STARD13: variants seen among roughly 807,000 people sequenced by gnomAD.
The protein encoded by STARD13 is StAR related lipid transfer domain containing 13.
In STARD13, 62 loss-of-function variants were observed where a neutral mutation model predicts 106.4. The observed-to-expected ratio is 0.58, with a 90% CI of 0.48 to 0.72. The LOEUF (loss-of-function observed/expected upper bound fraction) is 0.72. STARD13 is among the 30% of genes least tolerant of loss of function. The probability of loss-of-function intolerance (pLI) is 0.00; values close to 1 mark genes in which losing one functional copy is unlikely to be tolerated. For synonymous variants in STARD13, 565 were observed against 553.0 expected, an observed-to-expected ratio of 1.02 and a Z score of -0.31; for missense variants, 1,387 against 1,424.0, an observed-to-expected ratio of 0.97 and a Z score of 0.42.
rs775791741 is a variant in STARD13, at chr13:33,104,349, C to T, written c.*1244G>A. The T allele has an allele frequency of 6.6e-6, 1 of 152,438 alleles. No homozygotes were observed. Among genetic ancestry groups the T allele is most frequent in the Non-Finnish European group, 1.5e-5 (1 of 68,030 alleles). The allele number at this position is 152,438 out of a possible 1,614,324, so 9.4% of individuals were successfully genotyped here. Reference sequence around the variant, plus strand: ...TAGCTTGGACTGGCTAGTGAAGAAACACAGAAGAATTAATAAACCCGATTA... The same window carrying T: ...TAGCTTGGACTGGCTAGTGAAGAAATACAGAAGAATTAATAAACCCGATTA... On this transcript the variant is annotated 3_prime_UTR_variant, in exon 14 of 14. Coordinates refer to ENST00000336934, the MANE Select transcript of STARD13 (RefSeq NM_178006.4).
chr13:33,268,276 A>C (rs1466724219), intron 1 of STARD13, among the ~76,000 whole-genome samples: 1 of 152,206 alleles, frequency 6.6e-6, no homozygotes, highest in Non-Finnish European at 1.5e-5. Context: ...CTCTGAGGAT[A>C]CTTTAAACAC....
At chr13:33,232,046 C>T (rs1416063485) in intron 1 of STARD13, among the ~76,000 whole-genome samples, 2 of 152,198 alleles carry the variant, frequency 1.3e-5, no homozygotes, top group Non-Finnish European at 2.9e-5. Context: ...GGCATGGTGG[C>T]TCATGCCTGT....
At chr13:33,470,442 A>T in the STARD13 span, among the ~76,000 whole-genome samples, 1,302 of 152,278 alleles carry the variant, frequency 8.6e-3, 32 homozygotes, top group East Asian at 0.073. Flanking sequence ...TATACCCAGT[A>T]ATGGGCTTGC....
At chr13:33,494,332 G>T in the STARD13 span, among the ~76,000 whole-genome samples, 1 of 151,468 alleles carries the variant, frequency 6.6e-6, no homozygotes, top group Non-Finnish European at 1.5e-5. Flanking sequence ...TTTGTTTATT[G>T]TTTCCTCACC....
the STARD13 span, among the ~76,000 whole-genome samples, chr13:33,521,838 T>C: frequency 1.1e-4 from 16 of 152,000 alleles, no homozygotes; most frequent in Non-Finnish European, 2.1e-4. Flanking sequence ...ATTAAGAGCT[T>C]ACTACAAAAA....
intron 1 of STARD13, chr13:33,188,095 C>T: frequency 6.6e-6 from 1 of 152,368 alleles, no homozygotes; most frequent in Non-Finnish European, 1.5e-5. Flanking sequence ...TGGGAAAGAG[C>T]ACTGGCCAAA....
the STARD13 span, among the ~76,000 whole-genome samples, chr13:33,401,960 CA>C: frequency 6.6e-6 from 1 of 152,088 alleles, no homozygotes; most frequent in African/African-American, 2.4e-5. Flanking sequence ...TATGACATCC[CA>C]AAATGTGATG....
chr13:33,598,410 G>T, the STARD13 span, among the ~76,000 whole-genome samples: 1 of 152,150 alleles, frequency 6.6e-6, no homozygotes, highest in Admixed American at 6.5e-5. Flanking sequence ...AATGATTTTA[G>T]CCCTATTTGG....
At chr13:33,424,125 CA>C in the STARD13 span, among the ~76,000 whole-genome samples, 1,143 of 148,220 alleles carry the variant, frequency 7.7e-3, 18 homozygotes, top group African/African-American at 0.026. Context: ...AAATCTGTAA[CA>C]AAAAAAAAAT....
At chr13:33,617,620 A>G in the STARD13 span, among the ~76,000 whole-genome samples, 1 of 152,220 alleles carries the variant, frequency 6.6e-6, no homozygotes. Flanking sequence ...AACCTGAACT[A>G]CATCTTCAAA....
In STARD13 at chr13:33,127,278, T is replaced by G. The variant is rs1877318636; in HGVS notation, c.1922+95A>C. On this transcript the variant is annotated intron_variant, in intron 6 of 13. Transcript: ENST00000336934. Reference sequence around the variant, plus strand: ...ATCATCAGTGAAGGCAATGAATGGGTTTTTCAGATATCACAAAGTAAACAT... The same window carrying G: ...ATCATCAGTGAAGGCAATGAATGGGGTTTTCAGATATCACAAAGTAAACAT... 11 of 1,371,066 alleles carry G rather than the reference T, an allele frequency of 8.0e-6. No individual in the cohort carries two copies. The South Asian group carries it at 1.8e-4, about 22-fold the overall frequency. The allele number at this position is 1,371,066 out of a possible 1,614,324, so 84.9% of individuals were successfully genotyped here. A position where few individuals can be genotyped will look rare whatever the true frequency, so the allele number is the denominator to read the frequency against.
At chr13:33,638,607 T>A in the STARD13 span, among the ~76,000 whole-genome samples, 42 of 152,156 alleles carry the variant, frequency 2.8e-4, no homozygotes, top group African/African-American at 1.0e-3. Context: ...AGAGAATAGA[T>A]TGTAAATGTT....
the STARD13 span, among the ~76,000 whole-genome samples, chr13:33,449,395 C>T: frequency 3.3e-3 from 497 of 152,192 alleles, 10 homozygotes; most frequent in Admixed American, 0.029. Flanking sequence ...GCAACTTTGT[C>T]AAAAATTAAT....
intron 1 of STARD13, among the ~76,000 whole-genome samples, chr13:33,296,519 C>T (rs910015677): frequency 6.6e-6 from 1 of 152,136 alleles, no homozygotes; most frequent in African/African-American, 2.4e-5. Context: ...TAGTCACCAT[C>T]CTGTACATTA....
the STARD13 span, among the ~76,000 whole-genome samples, chr13:33,380,014 C>T: frequency 7.2e-5 from 9 of 124,660 alleles, no homozygotes; most frequent in Admixed American, 2.3e-4. Context: ...AATACTCTTG[C>T]GATAAAATAA....
At chr13:33,597,768 C>T in the STARD13 span, among the ~76,000 whole-genome samples, 3 of 151,224 alleles carry the variant, frequency 2.0e-5, no homozygotes, top group Non-Finnish European at 4.4e-5. Context: ...GCAGGAGAAT[C>T]GTTTGAATCT....
At chr13:33,223,775 TTA>T (rs1888478340) in intron 1 of STARD13, among the ~76,000 whole-genome samples, 1 of 152,114 alleles carries the variant, frequency 6.6e-6, no homozygotes, top group African/African-American at 2.4e-5. Context: ...AGCAATTTAC[TTA>T]GTTTCTTTGT....
At chr13:33,474,278 T>C in the STARD13 span, among the ~76,000 whole-genome samples, 4 of 152,172 alleles carry the variant, frequency 2.6e-5, no homozygotes, top group African/African-American at 9.7e-5. Flanking sequence ...TGGGGAGATA[T>C]GCCCTTTAAA....
At chr13:33,215,073 G>C (rs1887952404) in intron 1 of STARD13, among the ~76,000 whole-genome samples, 1 of 134,980 alleles carries the variant, frequency 7.4e-6, no homozygotes, top group African/African-American at 2.8e-5. Flanking sequence ...GCTTTGCCCA[G>C]CTTAGAGGTA....
Sources: allele counts gnomAD v4.1 joint callset (sites outside exome capture counted in the v4.1 genomes callset), GRCh38; gene constraint gnomAD v4.1.1; transcripts MANE v1.5; gene names NCBI Gene and HGNC (gene_info 2026-07-23, HGNC 2026-07-21).